Variants in PTPRT observed in about 807,000 individuals in gnomAD.
The protein encoded by PTPRT is receptor-type tyrosine-protein phosphatase T.
Under a neutral mutation model 176.8 loss-of-function variants are expected in PTPRT, and 56 were observed. The ratio of observed to expected loss-of-function variants is 0.32; its 90% CI spans 0.26 to 0.40. The LOEUF (loss-of-function observed/expected upper bound fraction) is 0.40. PTPRT is among the 10% of genes least tolerant of loss of function. The pLI, the probability that PTPRT is intolerant of heterozygous loss-of-function variation, is 1.00. For synonymous variants in PTPRT, 783 were observed against 739.0 expected, an observed-to-expected ratio of 1.06 and a Z score of -0.96; for missense variants, 1,540 against 1,908.2, an observed-to-expected ratio of 0.81 and a Z score of 3.60.
intron 1 of PTPRT, among the ~76,000 whole-genome samples, chr20:43,112,414 C>T (rs985071849): frequency 2.6e-5 from 4 of 152,138 alleles, no homozygotes; most frequent in African/African-American, 9.7e-5. Flanking sequence ...GACGTACCTG[C>T]TTTCAAAACC....
chr20:42,652,173 T>C (rs2075044911), intron 7 of PTPRT, among the ~76,000 whole-genome samples: 1 of 152,170 alleles, frequency 6.6e-6, no homozygotes, highest in Non-Finnish European at 1.5e-5. Context: ...ATTGTTTCTA[T>C]TCTATTCAAA....
intron 11 of PTPRT, among the ~76,000 whole-genome samples, chr20:42,318,833 G>A (rs990653231): frequency 1.2e-4 from 18 of 152,140 alleles, no homozygotes; most frequent in East Asian, 5.8e-4. Flanking sequence ...TGAGACCCCC[G>A]AAGCCTTGGG....
At chr20:42,205,442 C>T (rs1473102425) in intron 15 of PTPRT, among the ~76,000 whole-genome samples, 1 of 152,276 alleles carries the variant, frequency 6.6e-6, no homozygotes, top group East Asian at 1.9e-4. Flanking sequence ...GACAGGAATC[C>T]TGCCCTGTTT....
intron 8 of PTPRT, among the ~76,000 whole-genome samples, chr20:42,470,861 T>TG (rs1356523399): frequency 1.3e-5 from 2 of 151,314 alleles, no homozygotes; most frequent in African/African-American, 4.9e-5. Context: ...TCTAGGTTCT[T>TG]GGAGTCTCAA....
chr20:42,034,480 T>C, the PTPRT span, among the ~76,000 whole-genome samples: 1 of 152,200 alleles, frequency 6.6e-6, no homozygotes, highest in African/African-American at 2.4e-5. Context: ...CACTCACTCC[T>C]GTGTCATGGT....
chr20:42,204,854 G>A (rs540080689), intron 15 of PTPRT, among the ~76,000 whole-genome samples: 2 of 152,154 alleles, frequency 1.3e-5, no homozygotes, highest in South Asian at 2.1e-4. Flanking sequence ...AAACATCCAG[G>A]GACATTTCTC....
intron 1 of PTPRT, among the ~76,000 whole-genome samples, chr20:43,028,064 A>G (rs1201726677): frequency 6.6e-6 from 1 of 152,218 alleles, no homozygotes; most frequent in Non-Finnish European, 1.5e-5. Context: ...AATGAAACAT[A>G]AAAGGACAGG....
chr20:42,648,141 G>C (rs770386429), intron 7 of PTPRT, among the ~76,000 whole-genome samples: 3 of 152,108 alleles, frequency 2.0e-5, no homozygotes, highest in African/African-American at 2.4e-5. Flanking sequence ...CCTGGGCCTT[G>C]GGGCATGCTG....
chr20:42,350,778 C>A (rs772535719), intron 10 of PTPRT, 48 bp from the exon 11 acceptor site: 1 of 1,405,604 alleles, frequency 7.1e-7, no homozygotes, highest in Non-Finnish European at 1.0e-6. Context: ...AGATTCCCAA[C>A]TGGCTCCCCA....
rs897338066 is a variant in PTPRT, at chr20:42,161,480, T to A, written c.2554A>T (p.Thr852Ser). The A allele has an allele frequency of 6.2e-7, 1 of 1,613,872 alleles. No individual in the cohort carries two copies. The highest frequency in any genetic ancestry group is 8.5e-7 in the Non-Finnish European group (1 of 1,179,976). The change falls in exon 17 of 31, where the codon ACC (threonine) becomes TCC (serine). Residue 852 changes from threonine to serine, a missense_variant. Thr to Ser is a moderately conservative substitution (Grantham distance 58). Transcript: ENST00000373187. ...TAGCTCATCTCCACAGGGTCACAGG[T>A]GCGGTAGGGATGAGTCTGGATCGTG... is the stretch of plus-strand genomic sequence containing the variant. Reference protein sequence around the residue: ...TLTIQTHPYRTCDPVEMSYPR... With the variant: ...TLTIQTHPYRSCDPVEMSYPR...
chr20:42,757,095 C>T (rs536603333), intron 5 of PTPRT, among the ~76,000 whole-genome samples: 3 of 147,946 alleles, frequency 2.0e-5, no homozygotes, highest in African/African-American at 7.4e-5. Flanking sequence ...GTTTTCATGG[C>T]TGGTTTGTGC....
chr20:42,693,845 C>T (rs1028111593), intron 6 of PTPRT, among the ~76,000 whole-genome samples: 1 of 152,082 alleles, frequency 6.6e-6, no homozygotes, highest in Non-Finnish European at 1.5e-5. Context: ...TCTCACGCTA[C>T]TCCTTTAGAA....
intron 16 of PTPRT, among the ~76,000 whole-genome samples, chr20:42,196,762 G>A (rs1277517661): frequency 6.6e-6 from 1 of 152,158 alleles, no homozygotes; most frequent in Non-Finnish European, 1.5e-5. Context: ...GGGAAAAAAA[G>A]GACTGGCTTC....
rs191691451 is a variant in PTPRT, at chr20:42,753,648, G to A, written c.859+2814C>T. Among the ~76,000 whole-genome samples, 272 of 152,180 alleles carry A rather than the reference G, an allele frequency of 1.8e-3. 1 individual carries two copies. Among genetic ancestry groups the A allele is most frequent in the Non-Finnish European group, 2.5e-3 (167 of 68,012 alleles). On this transcript the variant is annotated intron_variant, in intron 6 of 30. Coordinates refer to ENST00000373187, the MANE Select transcript of PTPRT (RefSeq NM_007050.6). ...GCAGTGGTAGCTGCGGAGTCATATT[G>A]CCAGGCCTGGCTACTGCACCCAGGC...
At chr20:42,459,610 G>C (rs2070983733) in intron 8 of PTPRT, among the ~76,000 whole-genome samples, 1 of 152,202 alleles carries the variant, frequency 6.6e-6, no homozygotes. Context: ...TATGTTATTG[G>C]TTCAGATGTG....
chr20:43,065,908 T>C (rs1182920311), intron 1 of PTPRT, among the ~76,000 whole-genome samples: 1 of 152,144 alleles, frequency 6.6e-6, no homozygotes, highest in Non-Finnish European at 1.5e-5. Context: ...TTAAAGCAAT[T>C]TGCAAGTTGC....
chr20:42,466,618 C>A (rs2071106452), intron 8 of PTPRT, among the ~76,000 whole-genome samples: 1 of 152,076 alleles, frequency 6.6e-6, no homozygotes, highest in Non-Finnish European at 1.5e-5. Context: ...GGATGTTGAG[C>A]ACCAGGGTTC....
At chr20:42,361,049 G>A (rs1029994720) in intron 9 of PTPRT, among the ~76,000 whole-genome samples, 2 of 152,148 alleles carry the variant, frequency 1.3e-5, no homozygotes, top group Non-Finnish European at 2.9e-5. Flanking sequence ...GCCCCACCCT[G>A]CCACCTTGGC....
At chr20:43,128,818 T>C (rs570293227) in intron 1 of PTPRT, among the ~76,000 whole-genome samples, 2 of 152,092 alleles carry the variant, frequency 1.3e-5, no homozygotes, top group Non-Finnish European at 2.9e-5. Flanking sequence ...AGTTAGGAGG[T>C]CATCTGTATC....
Sources: allele counts gnomAD v4.1 joint callset (sites outside exome capture counted in the v4.1 genomes callset), GRCh38; gene constraint gnomAD v4.1.1; transcripts MANE v1.5; gene names NCBI Gene and HGNC (gene_info 2026-07-23, HGNC 2026-07-21).